The following UGT2B4 variants were observed in gnomAD, a reference collection of about 807,000 sequenced individuals.
UGT2B4 encodes UDP-glucuronosyltransferase 2B4.
In UGT2B4, 49 loss-of-function variants were observed where a neutral mutation model predicts 49.8. That is an observed-to-expected ratio of 0.98 (90% CI 0.78 to 1.25). The LOEUF (loss-of-function observed/expected upper bound fraction) is 1.25, where lower values mean the gene tolerates loss of function less well. Ranked by LOEUF, UGT2B4 falls within the 50% of genes most tolerant of loss-of-function variation. UGT2B4 has a pLI of 0.00. For missense variants in UGT2B4, 729 were observed against 627.7 expected (o/e 1.16, Z -1.73); for synonymous variants, 246 against 217.7 (o/e 1.13, Z -1.14).
intron 2 of UGT2B4, among the ~76,000 whole-genome samples, 163 bp from the exon 3 acceptor site, chr4:69,489,733 A>G (rs1203596805): frequency 1.1e-4 from 16 of 152,074 alleles, no homozygotes; most frequent in Admixed American, 1.0e-3. Context: ...TGCAATATGT[A>G]TAATATGAGA....
intron 1 of UGT2B4, among the ~76,000 whole-genome samples, chr4:69,523,542 A>G (rs945871618): frequency 7.6e-6 from 1 of 131,520 alleles, no homozygotes; most frequent in Non-Finnish European, 1.7e-5. Context: ...AAATCATGCT[A>G]TAAACGGAGT....
intron 2 of UGT2B4, among the ~76,000 whole-genome samples, chr4:69,490,023 G>C (rs914626595): frequency 1.6e-4 from 24 of 152,210 alleles, no homozygotes; most frequent in Admixed American, 1.3e-4. Context: ...CCCTGACTCT[G>C]AGCACTGAGG....
chr4:69,518,903 A>G (rs1378327311), intron 1 of UGT2B4, among the ~76,000 whole-genome samples: 5 of 152,244 alleles, frequency 3.3e-5, no homozygotes, highest in Admixed American at 3.3e-4. Flanking sequence ...GGAAAAATAC[A>G]GTAAGTTTCA....
chr4:69,491,593 G>C (rs921023138), intron 2 of UGT2B4, among the ~76,000 whole-genome samples: 7 of 152,090 alleles, frequency 4.6e-5, no homozygotes, highest in African/African-American at 1.4e-4. Flanking sequence ...TAAACAATTA[G>C]AGAATGGCTT....
chr4:69,500,570 AAAGCAAGAAAGCAAGAAAGC>A (rs1334013792), upstream of UGT2B4, among the ~76,000 whole-genome samples: 3 of 137,996 alleles, frequency 2.2e-5, no homozygotes, highest in Non-Finnish European at 3.1e-5. Context: ...GCAAGAAAAG[AAAGCAAGAAAGCAAGAAAGC>A]AAGCAAGAAA....
intron 1 of UGT2B4, among the ~76,000 whole-genome samples, chr4:69,518,983 T>C (rs1728790378): frequency 6.6e-6 from 1 of 152,148 alleles, no homozygotes; most frequent in Non-Finnish European, 1.5e-5. Context: ...TTTGGTAGGA[T>C]TTATACAATG....
intron 5 of UGT2B4, among the ~76,000 whole-genome samples, chr4:69,481,291 T>C (rs1727585037): frequency 6.6e-6 from 1 of 151,878 alleles, no homozygotes; most frequent in Non-Finnish European, 1.5e-5. Flanking sequence ...GGTAAGTTAA[T>C]TTGCCTGAGC....
At chr4:69,511,596 T>A (rs1286683979) in intron 1 of UGT2B4, among the ~76,000 whole-genome samples, 9 of 152,300 alleles carry the variant, frequency 5.9e-5, no homozygotes, top group African/African-American at 1.9e-4. Flanking sequence ...ATTAACAATA[T>A]TGGACTGTTT....
intron 1 of UGT2B4, among the ~76,000 whole-genome samples, chr4:69,510,236 C>G (rs1242311092): frequency 6.6e-6 from 1 of 152,018 alleles, no homozygotes; most frequent in Non-Finnish European, 1.5e-5. Context: ...GAACAGCAGA[C>G]TATATTAATT....
chr4:69,486,373 G>A (rs1474138618), intron 4 of UGT2B4, among the ~76,000 whole-genome samples: 1 of 152,066 alleles, frequency 6.6e-6, no homozygotes, highest in African/African-American at 2.4e-5. Flanking sequence ...TCTGTGGGAG[G>A]TAATAACACC....
intron 1 of UGT2B4, among the ~76,000 whole-genome samples, 154 bp from the exon 2 acceptor site, chr4:69,493,995 T>A (rs1172749291): frequency 2.0e-5 from 3 of 152,130 alleles, no homozygotes; most frequent in Non-Finnish European, 4.4e-5. Flanking sequence ...CATAATTTAA[T>A]TTTTATGTAT....
intron 5 of UGT2B4, among the ~76,000 whole-genome samples, chr4:69,482,328 A>C (rs1727617255): frequency 6.6e-6 from 1 of 152,208 alleles, no homozygotes; most frequent in Non-Finnish European, 1.5e-5. Flanking sequence ...ACGTCTTCTA[A>C]AATACACATT....
intron 1 of UGT2B4, among the ~76,000 whole-genome samples, chr4:69,503,168 A>G (rs979738206): frequency 1.3e-5 from 2 of 152,150 alleles, no homozygotes; most frequent in African/African-American, 4.8e-5. Flanking sequence ...TTTCCGGGCA[A>G]TTCTGCACAT....
chr4:69,493,926 G>T lies in UGT2B4; in HGVS notation c.722-85C>A, dbSNP rs890046176. The T allele has an allele frequency of 8.2e-6, 12 of 1,459,164 alleles. No homozygotes were observed. The Admixed American group carries it at 3.3e-4, about 40-fold the overall frequency. The allele number at this position is 1,459,164 out of a possible 1,614,324, so 90.4% of individuals were successfully genotyped here. A position where few individuals can be genotyped will look rare whatever the true frequency, so the allele number is the denominator to read the frequency against. Reference sequence around the variant, plus strand: ...TCTGAAAGAAGTTAGAATAATGTGGGCAAAAATGTAGGCAAAGTGTTTGTG... The same window carrying T: ...TCTGAAAGAAGTTAGAATAATGTGGTCAAAAATGTAGGCAAAGTGTTTGTG... On this transcript the variant is annotated intron_variant, in intron 1 of 5. Transcript: ENST00000305107.
chr4:69,480,712 A>C lies in UGT2B4; in HGVS notation c.1509T>G (p.Thr503=). 6.2e-7 allele frequency: 1 copy of C among 1,614,062 alleles called. No individual in the cohort carries two copies. The highest frequency in any genetic ancestry group is 8.5e-7 in the Non-Finnish European group (1 of 1,179,982). Residue 503 remains threonine (T), a synonymous_variant, in exon 6 of 6, where the codon ACT becomes ACG. Transcript: ENST00000305107. ...VTGFLLACVA[T]VIFIITKCLF... is the part of the protein sequence containing the mutation. ...GACATTTTGTGATGATGAATATCACAGTTGCCACACAGGCCAGCAGGAACC... is the reference window on the plus strand; with the variant it reads ...GACATTTTGTGATGATGAATATCACCGTTGCCACACAGGCCAGCAGGAACC...
In UGT2B4 at chr4:69,493,043, C is replaced by T. The variant is rs41300006; in HGVS notation, c.870+650G>A. 7.0e-3 allele frequency among the ~76,000 whole-genome samples: 1,060 copies of T among 152,262 alleles called. 8 individuals carry two copies. The highest frequency in any genetic ancestry group is 0.024 in the African/African-American group (989 of 41,558). ...CTCCTGAGGAGTATCTGGCTCTTAT[C>T]TTGCCTATCAGCATCATCTGATTCT... is the stretch of plus-strand genomic sequence containing the variant. On this transcript the variant is annotated intron_variant, in intron 2 of 5. Transcript: ENST00000305107.
chr4:69,498,479 A>T (rs190263510), upstream of UGT2B4, among the ~76,000 whole-genome samples: 119 of 150,862 alleles, frequency 7.9e-4, 1 homozygote, highest in Non-Finnish European at 2.5e-4. Context: ...AAAACAAGAC[A>T]GCTATGAATC....
At chr4:69,497,492 G>A (rs114669540), upstream of UGT2B4, among the ~76,000 whole-genome samples, 649 of 152,234 alleles carry the variant, frequency 4.3e-3, 6 homozygotes, top group African/African-American at 0.013. Context: ...ATTGCAGAGT[G>A]GGCATATGAA....
chr4:69,507,613 G>A (rs1204583869), intron 1 of UGT2B4, among the ~76,000 whole-genome samples: 1 of 152,008 alleles, frequency 6.6e-6, no homozygotes, highest in Non-Finnish European at 1.5e-5. Flanking sequence ...TCATGAATAG[G>A]AAGAGTCAAT....
Sources: gnomAD v4.1 joint callset for allele counts (sites outside exome capture counted in the v4.1 genomes callset) on GRCh38, gnomAD v4.1.1 for gene constraint, MANE v1.5 for transcripts, NCBI Gene and HGNC (gene_info 2026-07-23, HGNC 2026-07-21) for gene names.